The following BICD1 variants were observed in gnomAD, a reference collection of about 807,000 sequenced individuals.
The protein encoded by BICD1 is BICD cargo adaptor 1.
Under a neutral mutation model 92.5 loss-of-function variants are expected in BICD1, and 35 were observed. The ratio of observed to expected loss-of-function variants is 0.38; its 90% CI spans 0.29 to 0.50. The LOEUF is 0.50. BICD1 is among the 20% of genes least tolerant of loss of function. The probability of loss-of-function intolerance (pLI) is 0.93; values close to 1 mark genes in which losing one functional copy is unlikely to be tolerated. For synonymous variants in BICD1, 429 were observed against 465.1 expected, an observed-to-expected ratio of 0.92 and a Z score of 1.00; for missense variants, 950 against 1,189.8, an observed-to-expected ratio of 0.80 and a Z score of 2.97.
chr12:32,358,950 C>G (rs1939221736), intron 8 of BICD1, among the ~76,000 whole-genome samples: 2 of 152,078 alleles, frequency 1.3e-5, no homozygotes, highest in African/African-American at 2.4e-5. Flanking sequence ...CCCGCTCTTC[C>G]TTTTCTGTCA....
At chr12:32,299,232 T>G (rs1280383214) in intron 3 of BICD1, among the ~76,000 whole-genome samples, 2 of 152,242 alleles carry the variant, frequency 1.3e-5, no homozygotes, top group Non-Finnish European at 2.9e-5. Context: ...AATAAAGCAC[T>G]TATTTTTCCT....
chr12:32,122,028 C>T (rs1017684575), intron 1 of BICD1, among the ~76,000 whole-genome samples: 3 of 152,054 alleles, frequency 2.0e-5, no homozygotes, highest in African/African-American at 7.2e-5. Flanking sequence ...GTTGTGCAGG[C>T]TCGTCTCAAA....
At chr12:32,193,680 G>A (rs1170574237) in intron 1 of BICD1, among the ~76,000 whole-genome samples, 3 of 151,808 alleles carry the variant, frequency 2.0e-5, no homozygotes, top group Admixed American at 1.3e-4. Context: ...AAATATAAAC[G>A]ACCAAATAAG....
chr12:32,200,751 TATAA>T (rs1464423566), intron 1 of BICD1, among the ~76,000 whole-genome samples: 1 of 152,192 alleles, frequency 6.6e-6, no homozygotes, highest in African/African-American at 2.4e-5. Context: ...ATAATGTTAT[TATAA>T]ATAATGATTT....
At chr12:32,347,820 A>G (rs544060899) in intron 8 of BICD1, among the ~76,000 whole-genome samples, 1 of 152,296 alleles carries the variant, frequency 6.6e-6, no homozygotes, top group East Asian at 1.9e-4. Context: ...ATGAAGTTGT[A>G]AAAGCCCATG....
At chr12:32,319,310 A>G (rs1410421903) in intron 4 of BICD1, among the ~76,000 whole-genome samples, 1 of 152,220 alleles carries the variant, frequency 6.6e-6, no homozygotes, top group Non-Finnish European at 1.5e-5. Flanking sequence ...AATGGATATT[A>G]AATTTTGTCA....
chr12:32,242,386 G>A (rs1423249525), intron 2 of BICD1, among the ~76,000 whole-genome samples: 1 of 152,022 alleles, frequency 6.6e-6, no homozygotes, highest in Admixed American at 6.6e-5. Context: ...AATTAGCTGG[G>A]CATGGTGGCA....
chr12:32,141,386 T>C (rs1237254267), intron 1 of BICD1, among the ~76,000 whole-genome samples: 1 of 152,194 alleles, frequency 6.6e-6, no homozygotes, highest in Non-Finnish European at 1.5e-5. Context: ...AAGCTAAGAT[T>C]GTATGAAAAA....
intron 2 of BICD1, among the ~76,000 whole-genome samples, chr12:32,286,044 A>C (rs1947555616): frequency 1.3e-5 from 2 of 152,222 alleles, no homozygotes; most frequent in Non-Finnish European, 2.9e-5. Context: ...TGAGTCTTTC[A>C]GCTTAACCAG....
chr12:32,117,397 G>C lies in BICD1; in HGVS notation c.213+9853G>C, dbSNP rs77004646. Among the ~76,000 whole-genome samples, 1,142 of 152,128 alleles carry C rather than the reference G, an allele frequency of 7.5e-3. 12 individuals carry two copies. The highest frequency in any genetic ancestry group is 0.026 in the African/African-American group (1,088 of 41,498). The stretch of plus-strand genomic sequence containing the variant: ...TTAAATTGTTCTGCTTTAATGTTTG[G>C]CATTTCACACTATTTGATGACTGTA... On this transcript the variant is annotated intron_variant, in intron 1 of 9. Coordinates refer to ENST00000652176, the MANE Select transcript of BICD1 (RefSeq NM_001714.4).
chr12:32,253,474 A>C (rs1946619939), intron 2 of BICD1, among the ~76,000 whole-genome samples: 2 of 152,066 alleles, frequency 1.3e-5, no homozygotes, highest in African/African-American at 4.8e-5. Context: ...TAAGAGCTCA[A>C]GAAAGGCCGT....
chr12:32,168,855 G>C (rs756655921), intron 1 of BICD1, among the ~76,000 whole-genome samples: 1 of 151,670 alleles, frequency 6.6e-6, no homozygotes, highest in Non-Finnish European at 1.5e-5. Flanking sequence ...CCAGCTACTC[G>C]GGAGGCTGAG....
intron 1 of BICD1, among the ~76,000 whole-genome samples, chr12:32,179,112 C>T (rs1481639433): frequency 6.6e-6 from 1 of 151,738 alleles, no homozygotes; most frequent in Non-Finnish European, 1.5e-5. Flanking sequence ...CTTTAAAGAC[C>T]ATTGATATGT....
At chr12:32,187,174 A>G (rs1944441382) in intron 1 of BICD1, among the ~76,000 whole-genome samples, 1 of 152,192 alleles carries the variant, frequency 6.6e-6, no homozygotes. Context: ...TCTTTGTTCC[A>G]CGAAATTCGT....
intron 8 of BICD1, among the ~76,000 whole-genome samples, chr12:32,357,077 T>C (rs1368209198): frequency 6.7e-6 from 1 of 150,202 alleles, no homozygotes; most frequent in Non-Finnish European, 1.5e-5. Context: ...GATGGCGCGA[T>C]CTCGGCTCAT....
intron 2 of BICD1, among the ~76,000 whole-genome samples, chr12:32,275,608 ATGTT>A (rs893170596): frequency 1.3e-5 from 2 of 152,040 alleles, no homozygotes; most frequent in African/African-American, 4.8e-5. Flanking sequence ...CTTCTGGTCC[ATGTT>A]TGTTACGGCT....
intron 4 of BICD1, among the ~76,000 whole-genome samples, chr12:32,312,062 T>G (rs76042701): frequency 0.078 from 11,809 of 152,092 alleles, 513 homozygotes; most frequent in Middle Eastern, 0.13. Context: ...AAAAATCAGA[T>G]CTTAGTCCTC....
chr12:32,242,752 T>C (rs1009078503), intron 2 of BICD1, among the ~76,000 whole-genome samples: 21 of 152,238 alleles, frequency 1.4e-4, no homozygotes, highest in African/African-American at 4.3e-4. Context: ...GTTCCTGTTT[T>C]TAAATCTACT....
chr12:32,277,333 G>A (rs1049291152), intron 2 of BICD1, among the ~76,000 whole-genome samples: 10 of 152,206 alleles, frequency 6.6e-5, no homozygotes, highest in African/African-American at 2.2e-4. Context: ...GGTGGGGGTT[G>A]CAGTGAGCTG....
Sources: gnomAD v4.1 joint callset for allele counts (sites outside exome capture counted in the v4.1 genomes callset) on GRCh38, gnomAD v4.1.1 for gene constraint, MANE v1.5 for transcripts, NCBI Gene and HGNC (gene_info 2026-07-23, HGNC 2026-07-21) for gene names.